SAMTOR: variants seen among roughly 807,000 people sequenced by gnomAD.
SAMTOR encodes the protein UPF0532 protein C7orf60.
chr7:112,932,690 T>C, the SAMTOR span, among the ~76,000 whole-genome samples: 2 of 152,198 alleles, frequency 1.3e-5, no homozygotes, highest in African/African-American at 4.8e-5. Flanking sequence ...AATCATGCTA[T>C]GGAAGCACAA....
At chr7:112,877,770 C>T in the SAMTOR span, among the ~76,000 whole-genome samples, 1 of 150,110 alleles carries the variant, frequency 6.7e-6, no homozygotes, top group Non-Finnish European at 1.5e-5. Context: ...ACAGTGAGTT[C>T]TTGTGAGACC....
At chr7:112,859,641 G>A in the SAMTOR span, among the ~76,000 whole-genome samples, 2 of 152,020 alleles carry the variant, frequency 1.3e-5, no homozygotes, top group African/African-American at 2.4e-5. Context: ...TAATGGTCCC[G>A]ACCCTGTGTA....
At chr7:112,913,599 T>C in the SAMTOR span, among the ~76,000 whole-genome samples, 1 of 152,202 alleles carries the variant, frequency 6.6e-6, no homozygotes, top group Admixed American at 6.5e-5. Context: ...GCCATATGAC[T>C]TCCCATGTCA....
At chr7:112,832,001 T>C in the SAMTOR span, among the ~76,000 whole-genome samples, 1 of 151,104 alleles carries the variant, frequency 6.6e-6, no homozygotes, top group African/African-American at 2.4e-5. Context: ...TTCTGTAATC[T>C]ACTGAAGTTT....
chr7:112,821,597 G>C, the SAMTOR span: 1 of 695,202 alleles, frequency 1.4e-6, no homozygotes, highest in East Asian at 2.8e-5. Flanking sequence ...TTAAAATTGA[G>C]AAGTAGAAAA....
chr7:112,837,745 A>G, the SAMTOR span, among the ~76,000 whole-genome samples: 4 of 151,958 alleles, frequency 2.6e-5, no homozygotes, highest in African/African-American at 9.7e-5. Flanking sequence ...AGTGACCATG[A>G]ATGTTGAATT....
chr7:112,937,591 TAGA>T, the SAMTOR span, among the ~76,000 whole-genome samples: 1 of 151,438 alleles, frequency 6.6e-6, no homozygotes, highest in Non-Finnish European at 1.5e-5. Context: ...GAAATAAAGG[TAGA>T]AGGAGCATGC....
the SAMTOR span, chr7:112,821,853 T>C: frequency 6.2e-7 from 1 of 1,613,706 alleles, no homozygotes. Context: ...TGTGAAACCA[T>C]ATGCTAGTTG....
the SAMTOR span, among the ~76,000 whole-genome samples, chr7:112,860,836 G>A: frequency 9.3e-5 from 14 of 150,794 alleles, no homozygotes; most frequent in Non-Finnish European, 1.8e-4. Flanking sequence ...GGCGTGAACC[G>A]GGGAGGCGGA....
At chr7:112,865,823 T>C in the SAMTOR span, among the ~76,000 whole-genome samples, 1 of 147,272 alleles carries the variant, frequency 6.8e-6, no homozygotes. Flanking sequence ...TTCATATATA[T>C]ATATTTATCT....
chr7:112,909,645 T>C, the SAMTOR span, among the ~76,000 whole-genome samples: 1 of 152,236 alleles, frequency 6.6e-6, no homozygotes. Context: ...AAAATCAGTA[T>C]TGCAATTTTT....
chr7:112,846,087 G>GA, the SAMTOR span, among the ~76,000 whole-genome samples: 2 of 142,134 alleles, frequency 1.4e-5, no homozygotes, highest in Non-Finnish European at 3.0e-5. Context: ...GAGAAGGTCA[G>GA]AAAAAATAAC....
At chr7:112,907,603 A>T in the SAMTOR span, among the ~76,000 whole-genome samples, 3 of 151,956 alleles carry the variant, frequency 2.0e-5, no homozygotes, top group African/African-American at 7.2e-5. Flanking sequence ...AAAATCAAGA[A>T]AAATTAGAGA....
At chr7:112,891,617 T>C in the SAMTOR span, among the ~76,000 whole-genome samples, 1 of 152,248 alleles carries the variant, frequency 6.6e-6, no homozygotes, top group Admixed American at 6.5e-5. Context: ...TACTACAGCT[T>C]TGGTTCCAGA....
chr7:112,830,476 A>G, the SAMTOR span, among the ~76,000 whole-genome samples: 9 of 152,104 alleles, frequency 5.9e-5, no homozygotes, highest in Non-Finnish European at 1.5e-5. Context: ...CTATCCATAA[A>G]TAGATTTAAT....
At chr7:112,854,602 G>A in the SAMTOR span, among the ~76,000 whole-genome samples, 1 of 152,150 alleles carries the variant, frequency 6.6e-6, no homozygotes, top group African/African-American at 2.4e-5. Context: ...TGTAGGAAAT[G>A]TATTCTCTTT....
the SAMTOR span, among the ~76,000 whole-genome samples, chr7:112,856,470 G>A: frequency 6.6e-6 from 1 of 151,920 alleles, no homozygotes. Context: ...GGCTGGTCTC[G>A]AACTCCTGAG....
At chr7:112,934,693 T>C in the SAMTOR span, among the ~76,000 whole-genome samples, 1 of 152,230 alleles carries the variant, frequency 6.6e-6, no homozygotes, top group Non-Finnish European at 1.5e-5. Context: ...CTTTTATATA[T>C]ACAGATGTCT....
chr7:112,912,925 A>C, the SAMTOR span, among the ~76,000 whole-genome samples: 2 of 152,200 alleles, frequency 1.3e-5, no homozygotes, highest in Admixed American at 1.3e-4. Flanking sequence ...AGTTCATTTA[A>C]GAGATACAGT....
Sources: gnomAD v4.1 joint callset for allele counts (sites outside exome capture counted in the v4.1 genomes callset) on GRCh38, gnomAD v4.1.1 for gene constraint, MANE v1.5 for transcripts, NCBI Gene and HGNC (gene_info 2026-07-23, HGNC 2026-07-21) for gene names.